TONSL: variants seen among roughly 807,000 people sequenced by gnomAD.
TONSL encodes the protein tonsoku-like protein.
A neutral mutation model predicts 147.1 loss-of-function variants in TONSL; 112 were observed. The ratio of observed to expected loss-of-function variants is 0.76; its 90% CI spans 0.65 to 0.89. The LOEUF (loss-of-function observed/expected upper bound fraction) is 0.89, where lower values mean the gene tolerates loss of function less well. Ranked by LOEUF, TONSL falls within the 40% of genes least tolerant of loss-of-function variation. TONSL has a pLI of 0.00. For missense variants in TONSL, 1,883 were observed against 1,864.6 expected, an observed-to-expected ratio of 1.01 and a Z score of -0.18; for synonymous variants, 868 against 801.5, an observed-to-expected ratio of 1.08 and a Z score of -1.40.
chr8:144,436,260 GTGCCGCC>G lies in TONSL; in HGVS notation c.2166_2172del (p.Gln722HisfsTer119). The G allele has an allele frequency of 6.5e-7, 1 of 1,530,368 alleles. No individual in the cohort carries two copies. The highest frequency in any genetic ancestry group is 8.7e-7 in the Non-Finnish European group (1 of 1,142,906). 94.8% of individuals were successfully genotyped at this position (1,530,368 alleles called of 1,614,324 possible). On this transcript the variant is annotated frameshift_variant, in exon 17 of 26. Transcript: ENST00000409379. LOFTEE classifies it high-confidence loss of function. ...CTCCTCCGAGGCCTGGCCATGGCTGGTGCCGCCTGCCCTGGGGAGACCCTGACATGGG... is the reference window on the plus strand; with the variant it reads ...CTCCTCCGAGGCCTGGCCATGGCTGGTGCCCTGGGGAGACCCTGACATGGG...
rs929858640 is a variant in TONSL at position 144,436,601 on chromosome 8, G to A, written c.1971C>T (p.Ala657=). 4 of 1,611,562 alleles carry A rather than the reference G, an allele frequency of 2.5e-6. No homozygotes were observed. The highest frequency in any genetic ancestry group is 2.7e-5 in the African/African-American group (2 of 74,942). The stretch of plus-strand genomic sequence containing the variant: ...CCTGGAGCAGCATCTCCATGGCCCT[G>A]GCCTTCTGCCGCGTCTCCAGGTCCA... ...RDLDLETRQK[A]RAMEMLLQAA... Residue 657 remains alanine, a synonymous_variant, in exon 16 of 26, where the codon GCC becomes GCT. Transcript: ENST00000409379.
In TONSL at chr8:144,444,206, T is replaced by C. The variant is rs1209706160; in HGVS notation, c.95A>G (p.Gln32Arg). 1 of 1,457,576 alleles carries C rather than the reference T, an allele frequency of 6.9e-7. No individual in the cohort carries two copies. Among genetic ancestry groups the C allele is most frequent in the Admixed American group, 2.4e-5 (1 of 40,848 alleles). 90.3% of individuals were successfully genotyped at this position (1,457,576 alleles called of 1,614,324 possible). ...ATGGCCGGCCAGGAGCTCCCCCAGC[T>C]GGTGGCACAGCGCGGCCTCTTCGCG... ...QRREEAALCH[Q>R]LGELLAGHGR... The change falls in exon 2 of 26, where the codon CAG (glutamine) becomes CGG (arginine). Residue 32 changes from glutamine to arginine, a missense_variant. Gln to Arg is a conservative substitution (Grantham distance 43). Coordinates refer to ENST00000409379, the MANE Select transcript of TONSL (RefSeq NM_013432.5).
chr8:144,435,520 G>T lies in TONSL; in HGVS notation c.2806C>A (p.Arg936=). Residue 936 remains arginine (R), a synonymous_variant, in exon 18 of 26, where the codon CGA becomes AGA. Transcript: ENST00000409379. ...GPAPPPPIRV[R]VQVQDHLFLI... ...AAGAGATGATCCTGAACTTGAACTC[G>T]AACCCGGATGGGAGGGGGCGGGGCC... is the stretch of plus-strand genomic sequence containing the variant. 1 of 1,550,338 alleles carries T rather than the reference G, an allele frequency of 6.5e-7. No individual in the cohort carries two copies. Among genetic ancestry groups the T allele is most frequent in the Non-Finnish European group, 8.7e-7 (1 of 1,146,630 alleles).
chr8:144,440,135 G>A lies in TONSL; in HGVS notation c.1366C>T (p.Leu456=), dbSNP rs1823652754. ...TCTTCAGCTACACTGAGCTCCCGTA[G>A]TCTGGTTTCGGTCTCAGGGGCCTCC... ...PQEAPETETR[L]RELSVAEDED... Residue 456 remains leucine, a synonymous_variant, in exon 11 of 26, where the codon CTA becomes TTA. Coordinates refer to ENST00000409379, the MANE Select transcript of TONSL (RefSeq NM_013432.5). The A allele has an allele frequency of 3.7e-6, 6 of 1,611,948 alleles. No individual in the cohort carries two copies. The highest frequency in any genetic ancestry group is 5.1e-6 in the Non-Finnish European group (6 of 1,179,664).
chr8:144,441,114 G>A lies in TONSL; in HGVS notation c.866-3C>T, dbSNP rs777609134. ...CTGCAGCCGGACCACTGCCAGCACT[G>A]CCGGGAAGAGGTTCATGCAGGGGGG... On this transcript the variant is annotated splice_polypyrimidine_tract_variant and splice_region_variant and intron_variant, in intron 7 of 25. Transcript: ENST00000409379. 135 of 1,612,542 alleles carry A rather than the reference G, an allele frequency of 8.4e-5. No homozygotes were observed. The highest frequency in any genetic ancestry group is 6.4e-5 in the Non-Finnish European group (76 of 1,179,828).
intron 7 of TONSL, chr8:144,441,543 G>A (rs1398454738): frequency 4.9e-6 from 1 of 204,384 alleles, no homozygotes; most frequent in Non-Finnish European, 1.0e-5. Flanking sequence ...AGTGAGCCGA[G>A]ATCATGCCAC....
In TONSL at chr8:144,433,762, G is replaced by T; in HGVS notation, c.3388-3C>A. ...CTTAAGTCCAGCTCCTCCAAACTCT[G>T]TGGAAGACACAGGCTGGCAGTGAGC... is the stretch of plus-strand genomic sequence containing the variant. On this transcript the variant is annotated splice_polypyrimidine_tract_variant and splice_region_variant and intron_variant, in intron 21 of 25. Transcript: ENST00000409379. 6.4e-7 allele frequency: 1 copy of T among 1,565,732 alleles called. No homozygotes were observed. The highest frequency in any genetic ancestry group is 8.6e-7 in the Non-Finnish European group (1 of 1,156,328).
chr8:144,431,666 C>T (rs555659364), intron 23 of TONSL, among the ~76,000 whole-genome samples: 3 of 151,994 alleles, frequency 2.0e-5, no homozygotes, highest in Admixed American at 6.5e-5. Flanking sequence ...GAGCCCGTCA[C>T]CACGCCCGGC....
chr8:144,431,298 G>A, intron 23 of TONSL, 147 bp from the exon 24 acceptor site: 1 of 696,750 alleles, frequency 1.4e-6, no homozygotes, highest in Non-Finnish European at 2.5e-6. Flanking sequence ...CTCTCCTGAT[G>A]TGGGTCACAC....
Position 144,440,798 on chromosome 8 carries a change from G to A in TONSL, c.1084C>T (p.Leu362=), listed in dbSNP as rs1044372326. The A allele has an allele frequency of 1.2e-6, 2 of 1,612,822 alleles. No homozygotes were observed. Among genetic ancestry groups the A allele is most frequent in the African/African-American group, 2.7e-5 (2 of 74,942 alleles). Residue 362 remains leucine (L), a synonymous_variant, in exon 9 of 26, where the codon CTG becomes TTG. Transcript: ENST00000409379. ...AIIHVSLATT[L]GDMKDHHGAV... ...CCATGGTGGTCCTTCATGTCTCCCA[G>A]TGTGGTGGCCAGGGACACGTGGATG... is the stretch of plus-strand genomic sequence containing the variant.
rs1171983567 is a variant in TONSL, at chr8:144,444,254, T to C, written c.47A>G (p.Lys16Arg). The change falls in exon 2 of 26, where the codon AAG (lysine) becomes AGG (arginine). Residue 16 changes from lysine to arginine, a missense_variant. Transcript: ENST00000409379. ...GCGCCGCTGCCCGGCCCTCTGCGCC[T>C]TGGCTTTCGCCTTGCTCAGCTCTGT... ...ELRQLSKAKAKAQRAGQRREE... is the reference protein window; with the variant it reads ...ELRQLSKAKARAQRAGQRREE... 1 of 1,454,388 alleles carries C rather than the reference T, an allele frequency of 6.9e-7. No individual in the cohort carries two copies. Among genetic ancestry groups the C allele is most frequent in the Admixed American group, 2.5e-5 (1 of 40,756 alleles). The allele number at this position is 1,454,388 out of a possible 1,614,324, so 90.1% of individuals were successfully genotyped here.
chr8:144,438,541 A>G lies in TONSL; in HGVS notation c.1583T>C (p.Met528Thr), dbSNP rs756253374. Residue 528 changes from methionine to threonine, a missense_variant, in exon 13 of 26, where the codon ATG becomes ACG. Physicochemically the swap from Met to Thr is moderately conservative, Grantham distance 81. Transcript: ENST00000409379. Reference sequence around the variant, plus strand: ...GGCTCGGTGCAGCAGGGTCTCCCCCATGTCGTTTCGCCGGTTCCACTGTGG... The same window carrying G: ...GGCTCGGTGCAGCAGGGTCTCCCCCGTGTCGTTTCGCCGGTTCCACTGTGG... ...KGSKWNRRND[M>T]GETLLHRACI... is the part of the protein sequence containing the mutation. 1 of 1,611,480 alleles carries G rather than the reference A, an allele frequency of 6.2e-7. No homozygotes were observed. The highest frequency in any genetic ancestry group is 1.7e-5 in the Admixed American group (1 of 59,944).
At chr8:144,441,855 C>G (rs1823730985) in intron 7 of TONSL, 182 bp downstream of exon 7, 2 of 577,656 alleles carry the variant, frequency 3.5e-6, no homozygotes, top group Non-Finnish European at 3.1e-6. Context: ...AAAAGGGGGT[C>G]TTCTCCTGTC....
At chr8:144,431,201 C>T in intron 23 of TONSL, 50 bp from the exon 24 acceptor site, 1 of 1,586,832 alleles carries the variant, frequency 6.3e-7, no homozygotes, top group African/African-American at 1.3e-5. Context: ...GCGCACCTGC[C>T]CTGCCTGCTT....
chr8:144,443,776 GT>G, intron 3 of TONSL, 105 bp downstream of exon 3: 1 of 1,453,238 alleles, frequency 6.9e-7, no homozygotes, highest in Admixed American at 2.1e-5. Flanking sequence ...CAGGTCAGGT[GT>G]CCCCTCCAGC....
At chr8:144,443,437 C>G (rs1346385908) in intron 3 of TONSL, 116 bp from the exon 4 acceptor site, 1 of 1,073,446 alleles carries the variant, frequency 9.3e-7, no homozygotes. Context: ...CCCTAACCCC[C>G]ACAGAGCAGG....
chr8:144,430,954 G>C, intron 24 of TONSL, 124 bp downstream of exon 24: 1 of 1,136,482 alleles, frequency 8.8e-7, no homozygotes, highest in Non-Finnish European at 1.3e-6. Context: ...GAAACCGAAG[G>C]AGCCAGGTCT....
Position 144,433,771 on chromosome 8 carries a change from A to C in TONSL, c.3388-12T>G. 6.4e-7 allele frequency: 1 copy of C among 1,556,446 alleles called. No homozygotes were observed. Among genetic ancestry groups the C allele is most frequent in the South Asian group, 1.2e-5 (1 of 81,854 alleles). On this transcript the variant is annotated splice_polypyrimidine_tract_variant and intron_variant, in intron 21 of 25. Coordinates refer to ENST00000409379, the MANE Select transcript of TONSL (RefSeq NM_013432.5). ...AGCTCCTCCAAACTCTGTGGAAGAC[A>C]CAGGCTGGCAGTGAGCCCCCAGCAG...
At chr8:144,435,281 C>T in intron 18 of TONSL, 111 bp from the exon 19 acceptor site, 1 of 1,393,256 alleles carries the variant, frequency 7.2e-7, no homozygotes, top group South Asian at 1.5e-5. Flanking sequence ...TTCTCCCATT[C>T]CCAGGTAGCC....
Sources: gnomAD v4.1 joint callset for allele counts (sites outside exome capture counted in the v4.1 genomes callset) on GRCh38, gnomAD v4.1.1 for gene constraint, MANE v1.5 for transcripts, NCBI Gene and HGNC (gene_info 2026-07-23, HGNC 2026-07-21) for gene names.